The following TTC28 variants were observed in gnomAD, a reference collection of about 807,000 sequenced individuals.
The protein encoded by TTC28 is tetratricopeptide repeat domain 28, also known as tetratricopeptide repeat protein 28.
In TTC28, 61 loss-of-function variants were observed where a neutral mutation model predicts 198.0. That is an observed-to-expected ratio of 0.31 (90% CI 0.25 to 0.38). The LOEUF is 0.38. Ranked by LOEUF, TTC28 falls within the 10% of genes least tolerant of loss-of-function variation. The probability of loss-of-function intolerance (pLI) is 1.00; values close to 1 mark genes in which losing one functional copy is unlikely to be tolerated. For missense variants in TTC28, 2,678 were observed against 3,164.0 expected, an observed-to-expected ratio of 0.85 and a Z score of 3.69; for synonymous variants, 1,171 against 1,297.8, an observed-to-expected ratio of 0.90 and a Z score of 2.10.
intron 1 of TTC28, among the ~76,000 whole-genome samples, chr22:28,647,712 G>A (rs889332985): frequency 1.3e-5 from 2 of 151,408 alleles, no homozygotes; most frequent in Admixed American, 6.6e-5. Context: ...GGTGGCAGGC[G>A]CCTGTAGTCC....
chr22:28,229,593 G>A (rs1435479039), intron 5 of TTC28, among the ~76,000 whole-genome samples: 1 of 152,172 alleles, frequency 6.6e-6, no homozygotes, highest in Non-Finnish European at 1.5e-5. Context: ...ATAAAGTCAA[G>A]GGAGGTCCTC....
chr22:28,227,419 G>T (rs572450735), intron 5 of TTC28, among the ~76,000 whole-genome samples: 1 of 152,240 alleles, frequency 6.6e-6, no homozygotes, highest in East Asian at 1.9e-4. Flanking sequence ...TAACTTTTGT[G>T]TATCGAAGGT....
At chr22:28,368,002 C>A (rs950879172) in intron 2 of TTC28, among the ~76,000 whole-genome samples, 7 of 151,956 alleles carry the variant, frequency 4.6e-5, no homozygotes, top group Admixed American at 2.6e-4. Context: ...AGAACTAATA[C>A]CAAATCAAAC....
At chr22:28,560,579 C>A (rs988882333) in intron 2 of TTC28, among the ~76,000 whole-genome samples, 2 of 152,110 alleles carry the variant, frequency 1.3e-5, no homozygotes, top group Non-Finnish European at 1.5e-5. Flanking sequence ...AAGGAACTGT[C>A]TGTTTTCTCT....
chr22:28,036,509 A>G (rs1471191431), intron 12 of TTC28, among the ~76,000 whole-genome samples: 1 of 152,222 alleles, frequency 6.6e-6, no homozygotes, highest in Non-Finnish European at 1.5e-5. Context: ...TCTGGGACAC[A>G]TTTAAAGCAG....
chr22:28,215,201 C>T (rs1927288597), intron 5 of TTC28, among the ~76,000 whole-genome samples: 1 of 152,096 alleles, frequency 6.6e-6, no homozygotes, highest in African/African-American at 2.4e-5. Flanking sequence ...TTAATGGGTG[C>T]AGCACACCAA....
chr22:28,103,332 CAG>C (rs1942209983), intron 8 of TTC28, among the ~76,000 whole-genome samples: 1 of 152,134 alleles, frequency 6.6e-6, no homozygotes, highest in African/African-American at 2.4e-5. Context: ...TGGTTTTATC[CAG>C]AGGTGTCTCC....
intron 6 of TTC28, among the ~76,000 whole-genome samples, chr22:28,129,359 T>TC (rs1211624753): frequency 6.6e-6 from 1 of 152,186 alleles, no homozygotes; most frequent in Non-Finnish European, 1.5e-5. Flanking sequence ...AGAGTGGGCA[T>TC]CAGTGTTTTG....
intron 14 of TTC28, chr22:28,006,724 G>A (rs1057062312): frequency 1.3e-5 from 2 of 152,270 alleles, no homozygotes. Context: ...AACCCCCAAT[G>A]GATCCCGAAT....
intron 2 of TTC28, among the ~76,000 whole-genome samples, chr22:28,564,811 G>A (rs895338104): frequency 6.8e-6 from 1 of 146,730 alleles, no homozygotes; most frequent in African/African-American, 2.5e-5. Flanking sequence ...GAGAACCACT[G>A]GTCTCAATTT....
intron 1 of TTC28, among the ~76,000 whole-genome samples, chr22:28,663,247 C>CAAA (rs527687773): frequency 3.0e-5 from 2 of 65,762 alleles, no homozygotes; most frequent in South Asian, 9.2e-4. Flanking sequence ...AACTCCGTCT[C>CAAA]AAAAAAAAAA....
chr22:28,395,285 CTTCT>C (rs997336444), intron 2 of TTC28, among the ~76,000 whole-genome samples: 1 of 152,130 alleles, frequency 6.6e-6, no homozygotes, highest in East Asian at 1.9e-4. Flanking sequence ...CCCTTCCTTT[CTTCT>C]TTCTTTCTCT....
chr22:28,063,484 T>C (rs1359885015), intron 12 of TTC28, among the ~76,000 whole-genome samples: 1 of 152,220 alleles, frequency 6.6e-6, no homozygotes, highest in Non-Finnish European at 1.5e-5. Context: ...CTTTAGGACC[T>C]TGTGTTCACA....
intron 2 of TTC28, among the ~76,000 whole-genome samples, chr22:28,390,264 T>G (rs1289817653): frequency 6.6e-6 from 1 of 152,058 alleles, no homozygotes; most frequent in African/African-American, 2.4e-5. Context: ...TACTTCCAAG[T>G]ATGTGGTCAA....
At chr22:28,093,791 A>C (rs1941888628) in intron 12 of TTC28, among the ~76,000 whole-genome samples, 1 of 152,208 alleles carries the variant, frequency 6.6e-6, no homozygotes, top group Non-Finnish European at 1.5e-5. Flanking sequence ...TGTTAAATTC[A>C]AAGCCATGTT....
intron 1 of TTC28, among the ~76,000 whole-genome samples, chr22:28,653,566 A>G (rs2051597362): frequency 6.6e-6 from 1 of 151,714 alleles, no homozygotes; most frequent in South Asian, 2.1e-4. Flanking sequence ...GGCCCTGGAG[A>G]AGATGGAGAG....
At chr22:28,289,913 A>C (rs1289025274) in intron 5 of TTC28, among the ~76,000 whole-genome samples, 1 of 152,028 alleles carries the variant, frequency 6.6e-6, no homozygotes, top group Non-Finnish European at 1.5e-5. Flanking sequence ...AATCCCAGCT[A>C]TTTGGGAGGC....
chr22:28,677,587 G>A (rs1258280586), intron 1 of TTC28, among the ~76,000 whole-genome samples: 2 of 149,380 alleles, frequency 1.3e-5, no homozygotes, highest in Non-Finnish European at 3.0e-5. Context: ...TGCAGTGAGC[G>A]GAGATCATGC....
At position 28,000,098 on chromosome 22, in the gene TTC28, CG is replaced by C. The variant is rs568372023; in HGVS notation, c.4399-839del. 9.2e-5 allele frequency: 14 copies of C among 152,298 alleles called. No individual in the cohort carries two copies. In the East Asian group the frequency reaches 2.7e-3, roughly 29 times the overall value. The allele number at this position is 152,298 out of a possible 1,614,324, so 9.4% of individuals were successfully genotyped here. ...CCCAGAGTGCTGCTATCAGCCGGCACGGTGGGCCGCTGGGTGGCAGGAGCGT... is the reference window on the plus strand; with the variant it reads ...CCCAGAGTGCTGCTATCAGCCGGCACGTGGGCCGCTGGGTGGCAGGAGCGT... On this transcript the variant is annotated intron_variant, in intron 15 of 22. Transcript: ENST00000397906.
Sources: allele counts gnomAD v4.1 joint callset (sites outside exome capture counted in the v4.1 genomes callset), GRCh38; gene constraint gnomAD v4.1.1; transcripts MANE v1.5; gene names NCBI Gene and HGNC (gene_info 2026-07-23, HGNC 2026-07-21).